The following ERC2 variants were observed in gnomAD, a reference collection of about 807,000 sequenced individuals.
ERC2 encodes ELKS/RAB6-interacting/CAST family member 2, also known as ERC protein 2.
In ERC2, 42 loss-of-function variants were observed where a neutral mutation model predicts 114.8. The observed-to-expected ratio is 0.37, with a 90% CI of 0.29 to 0.47. The LOEUF is 0.47. Ranked by LOEUF, ERC2 falls within the 20% of genes least tolerant of loss-of-function variation. The pLI is 0.99. For missense variants in ERC2, 939 were observed against 1,150.7 expected (o/e 0.82, Z 2.66); for synonymous variants, 454 against 425.5 (o/e 1.07, Z -0.82).
intron 17 of ERC2, among the ~76,000 whole-genome samples, chr3:55,675,826 C>A (rs866971405): frequency 6.8e-6 from 1 of 146,268 alleles, no homozygotes; most frequent in Non-Finnish European, 1.5e-5. Flanking sequence ...CTTTTAGAAG[C>A]TTTGGTTCTG....
chr3:56,141,502 G>A (rs924566802), intron 5 of ERC2, among the ~76,000 whole-genome samples: 1 of 152,220 alleles, frequency 6.6e-6, no homozygotes, highest in Non-Finnish European at 1.5e-5. Context: ...AGGGAGGCCT[G>A]TGGTCATGGT....
intron 7 of ERC2, among the ~76,000 whole-genome samples, chr3:56,024,458 A>T (rs927437038): frequency 3.9e-5 from 6 of 152,192 alleles, no homozygotes; most frequent in Non-Finnish European, 8.8e-5. Context: ...CCCGGACAAC[A>T]CCACTAGCCC....
At chr3:56,268,689 C>A (rs1161504002) in intron 3 of ERC2, among the ~76,000 whole-genome samples, 1 of 152,102 alleles carries the variant, frequency 6.6e-6, no homozygotes, top group Non-Finnish European at 1.5e-5. Context: ...TGACTTGACT[C>A]CCACTTAATC....
chr3:55,800,558 T>C (rs1277390226), intron 14 of ERC2, among the ~76,000 whole-genome samples: 1 of 152,118 alleles, frequency 6.6e-6, no homozygotes, highest in African/African-American at 2.4e-5. Flanking sequence ...ATGGCCAAAC[T>C]GACATTATCT....
chr3:55,817,420 T>C lies in ERC2; in HGVS notation c.2564+70969A>G, dbSNP rs151224751. Among the ~76,000 whole-genome samples the C allele has an allele frequency of 5.8e-3, 876 of 152,296 alleles. 10 individuals are homozygous for C. Among genetic ancestry groups the C allele is most frequent in the African/African-American group, 0.02 (832 of 41,562 alleles). Reference sequence around the variant, plus strand: ...TTGACTTGTGCCACAGCATCCCCAATTGGACACTCCTGAGAGTTCACCCAA... The same window carrying C: ...TTGACTTGTGCCACAGCATCCCCAACTGGACACTCCTGAGAGTTCACCCAA... On this transcript the variant is annotated intron_variant, in intron 14 of 17. Coordinates refer to ENST00000288221, the MANE Select transcript of ERC2 (RefSeq NM_015576.3).
chr3:55,862,126 G>A (rs1469810066), intron 14 of ERC2, among the ~76,000 whole-genome samples: 1 of 152,018 alleles, frequency 6.6e-6, no homozygotes, highest in Non-Finnish European at 1.5e-5. Context: ...AGCTATTTAA[G>A]CAAAACACAC....
chr3:55,792,715 T>C (rs1296777625), intron 14 of ERC2, among the ~76,000 whole-genome samples: 2 of 152,206 alleles, frequency 1.3e-5, no homozygotes, highest in East Asian at 1.9e-4. Context: ...TTTCCCAAAA[T>C]GTAGAACAAA....
At chr3:56,286,888 T>C (rs2054760521) in intron 3 of ERC2, among the ~76,000 whole-genome samples, 1 of 152,218 alleles carries the variant, frequency 6.6e-6, no homozygotes, top group Non-Finnish European at 1.5e-5. Context: ...TCACCTTTCT[T>C]TTTCCTTTTT....
intron 1 of ERC2, among the ~76,000 whole-genome samples, chr3:56,443,330 A>C (rs912755373): frequency 6.6e-6 from 1 of 152,212 alleles, no homozygotes; most frequent in Non-Finnish European, 1.5e-5. Flanking sequence ...ACCACTGTAC[A>C]TCTGCTTCTT....
chr3:56,011,182 C>T (rs2072904496), intron 8 of ERC2, among the ~76,000 whole-genome samples: 4 of 152,242 alleles, frequency 2.6e-5, no homozygotes, highest in Admixed American at 2.6e-4. Context: ...ATGTTTACTT[C>T]TGTGTTTTTT....
At chr3:56,441,140 C>T (rs1356190117) in intron 1 of ERC2, among the ~76,000 whole-genome samples, 1 of 152,186 alleles carries the variant, frequency 6.6e-6, no homozygotes, top group East Asian at 1.9e-4. Flanking sequence ...CAAAGAAGTC[C>T]AAGCTATCTT....
intron 14 of ERC2, among the ~76,000 whole-genome samples, chr3:55,797,848 A>G (rs1199045480): frequency 1.3e-5 from 2 of 152,230 alleles, no homozygotes; most frequent in Non-Finnish European, 2.9e-5. Flanking sequence ...TGAGCACGCA[A>G]CAACAGACTA....
intron 15 of ERC2, among the ~76,000 whole-genome samples, chr3:55,729,745 G>A (rs1172012358): frequency 1.4e-5 from 2 of 147,468 alleles, no homozygotes; most frequent in Non-Finnish European, 3.0e-5. Flanking sequence ...GGCTGAGGTG[G>A]GAGTATCGCT....
At chr3:55,721,507 A>G (rs760769316) in intron 15 of ERC2, among the ~76,000 whole-genome samples, 1 of 152,220 alleles carries the variant, frequency 6.6e-6, no homozygotes, top group East Asian at 1.9e-4. Context: ...TCAAAACTAC[A>G]AGGGCTTAGA....
rs115779917 is a variant in ERC2 at position 55,925,831 on chromosome 3, C to T, written c.2403+24594G>A. Among the ~76,000 whole-genome samples the T allele has an allele frequency of 6.9e-3, 1,055 of 152,238 alleles. 8 individuals carry two copies. The highest frequency in any genetic ancestry group is 0.011 in the Non-Finnish European group (752 of 68,012). On this transcript the variant is annotated intron_variant, in intron 13 of 17. Coordinates refer to ENST00000288221, the MANE Select transcript of ERC2 (RefSeq NM_015576.3). ...CTATTAAAGCTGGCTTTACTGTACA[C>T]GGTAGTATTTCTACTGTGTTTCAAT... is the stretch of plus-strand genomic sequence containing the variant.
chr3:55,578,451 G>C (rs1481726610), intron 17 of ERC2, among the ~76,000 whole-genome samples: 2 of 152,140 alleles, frequency 1.3e-5, no homozygotes, highest in African/African-American at 2.4e-5. Flanking sequence ...TGGCTCACCT[G>C]TCTCCTCAGA....
At chr3:55,550,860 C>A (rs188759837) in intron 17 of ERC2, among the ~76,000 whole-genome samples, 2 of 151,754 alleles carry the variant, frequency 1.3e-5, no homozygotes, top group Admixed American at 1.3e-4. Context: ...ACTAAAAATA[C>A]AAAAAATTAG....
intron 14 of ERC2, among the ~76,000 whole-genome samples, chr3:55,802,961 C>G (rs369657336): frequency 1.3e-5 from 2 of 152,074 alleles, no homozygotes; most frequent in African/African-American, 4.8e-5. Flanking sequence ...AGCTATTGAC[C>G]GTATATCATT....
At chr3:56,240,946 T>C (rs921536274) in intron 3 of ERC2, among the ~76,000 whole-genome samples, 3 of 152,304 alleles carry the variant, frequency 2.0e-5, no homozygotes, top group Admixed American at 2.0e-4. Flanking sequence ...CTATATCCAA[T>C]AGGTAATTTT....
Sources: gnomAD v4.1 joint callset for allele counts (sites outside exome capture counted in the v4.1 genomes callset) on GRCh38, gnomAD v4.1.1 for gene constraint, MANE v1.5 for transcripts, NCBI Gene and HGNC (gene_info 2026-07-23, HGNC 2026-07-21) for gene names.